ZBTB20: variants seen among roughly 807,000 people sequenced by gnomAD.
ZBTB20 encodes the protein zinc finger and BTB domain containing 20, also known as zinc finger and BTB domain-containing protein 20.
A neutral mutation model predicts 56.9 loss-of-function variants in ZBTB20; 9 were observed. That is an observed-to-expected ratio of 0.16 (90% CI 0.10 to 0.28). ZBTB20 has a LOEUF of 0.28. Ranked by LOEUF, ZBTB20 falls within the 10% of genes least tolerant of loss-of-function variation. ZBTB20 has a pLI of 1.00. For missense variants in ZBTB20, 655 were observed against 1,003.0 expected (o/e 0.65, Z 4.69); for synonymous variants, 417 against 420.7 (o/e 0.99, Z 0.11).
At chr3:114,344,083 T>C (rs546408282) in intron 11 of ZBTB20, among the ~76,000 whole-genome samples, 5 of 152,226 alleles carry the variant, frequency 3.3e-5, no homozygotes, top group African/African-American at 1.2e-4. Context: ...ACCTGAGATA[T>C]CAGCGGTGTG....
chr3:114,554,782 A>C (rs1331306482), intron 6 of ZBTB20, among the ~76,000 whole-genome samples: 1 of 152,074 alleles, frequency 6.6e-6, no homozygotes, highest in Non-Finnish European at 1.5e-5. Context: ...GTATCTTTTT[A>C]ATATCCCCCA....
intron 6 of ZBTB20, among the ~76,000 whole-genome samples, chr3:114,674,107 T>C (rs1361541258): frequency 6.6e-6 from 1 of 152,188 alleles, no homozygotes; most frequent in Non-Finnish European, 1.5e-5. Context: ...TATTTATTTA[T>C]TAGATTCATG....
At chr3:114,400,981 C>T (rs549285734) in intron 7 of ZBTB20, among the ~76,000 whole-genome samples, 27 of 152,044 alleles carry the variant, frequency 1.8e-4, no homozygotes, top group African/African-American at 5.5e-4. Flanking sequence ...TGAATCATGT[C>T]TCTGTTAAAA....
At chr3:114,452,403 G>C (rs1235970498) in intron 7 of ZBTB20, among the ~76,000 whole-genome samples, 1 of 152,146 alleles carries the variant, frequency 6.6e-6, no homozygotes. Context: ...GAAAATTCTG[G>C]ATTTGCCAAA....
intron 4 of ZBTB20, among the ~76,000 whole-genome samples, chr3:114,850,580 C>G (rs565335463): frequency 6.6e-6 from 1 of 152,318 alleles, no homozygotes; most frequent in Admixed American, 6.5e-5. Context: ...GAAACTAAAG[C>G]ACAGAGTGGT....
chr3:114,789,846 TA>T (rs2108802648), intron 5 of ZBTB20, among the ~76,000 whole-genome samples: 1 of 152,224 alleles, frequency 6.6e-6, no homozygotes, highest in East Asian at 1.9e-4. Context: ...TTAAGCAGAT[TA>T]TAGAGTTCTG....
intron 6 of ZBTB20, among the ~76,000 whole-genome samples, chr3:114,577,541 A>T (rs2107447428): frequency 6.6e-6 from 1 of 152,358 alleles, no homozygotes; most frequent in Middle Eastern, 3.4e-3. Context: ...AAAGCTACTA[A>T]AAGCAGCCCA....
chr3:115,091,692 AAC>A lies in ZBTB20; in HGVS notation c.-702-20280_-702-20279del, dbSNP rs994132095. Among the ~76,000 whole-genome samples, 23 of 149,868 alleles carry A rather than the reference AAC, an allele frequency of 1.5e-4. No homozygotes were observed. The East Asian group carries it at 3.5e-3, about 23-fold the overall frequency. On this transcript the variant is annotated intron_variant, in intron 1 of 11. Transcript: ENST00000675478. ...ATGTGTATTTTATATATATATATAT[AAC>A]ACACACATATATATAATACATACAT...
chr3:114,676,909 G>A (rs1393736311), intron 6 of ZBTB20, among the ~76,000 whole-genome samples: 2 of 151,922 alleles, frequency 1.3e-5, no homozygotes, highest in Non-Finnish European at 2.9e-5. Context: ...TGAGTAGCTG[G>A]GATTACAGGT....
At chr3:115,125,517 T>A (rs1035091121) in intron 1 of ZBTB20, among the ~76,000 whole-genome samples, 1 of 152,040 alleles carries the variant, frequency 6.6e-6, no homozygotes, top group African/African-American at 2.4e-5. Context: ...ATGTGGGAGC[T>A]AAAACAATGA....
At chr3:114,774,608 T>C (rs1347612790) in intron 5 of ZBTB20, among the ~76,000 whole-genome samples, 1 of 152,160 alleles carries the variant, frequency 6.6e-6, no homozygotes, top group Non-Finnish European at 1.5e-5. Flanking sequence ...ATTTTATGTC[T>C]GTCCCCATTT....
At chr3:114,572,746 C>T (rs1008759128) in intron 6 of ZBTB20, among the ~76,000 whole-genome samples, 4 of 152,122 alleles carry the variant, frequency 2.6e-5, no homozygotes, top group Admixed American at 6.5e-5. Flanking sequence ...TTGTATATTT[C>T]GAGCCAATAA....
At chr3:114,849,898 C>CTTTTTT (rs34170211) in intron 4 of ZBTB20, among the ~76,000 whole-genome samples, 1 of 114,892 alleles carries the variant, frequency 8.7e-6, no homozygotes, top group Non-Finnish European at 1.7e-5. Flanking sequence ...ATCAGGAAAT[C>CTTTTTT]TTTTTTTTTT....
At chr3:114,871,284 T>C (rs144058149) in intron 4 of ZBTB20, among the ~76,000 whole-genome samples, 299 of 152,184 alleles carry the variant, frequency 2.0e-3, no homozygotes, top group Non-Finnish European at 3.1e-3. Context: ...ATCAGGGCAA[T>C]CTATGATCTC....
intron 7 of ZBTB20, among the ~76,000 whole-genome samples, chr3:114,460,117 C>T (rs2092257724): frequency 6.6e-6 from 1 of 152,148 alleles, no homozygotes; most frequent in Non-Finnish European, 1.5e-5. Context: ...TGGTTCCACA[C>T]TCTTCTCACT....
At chr3:114,797,060 T>C (rs112882335) in intron 5 of ZBTB20, among the ~76,000 whole-genome samples, 63 of 151,992 alleles carry the variant, frequency 4.1e-4, no homozygotes, top group African/African-American at 1.4e-3. Context: ...TTTTCTCATA[T>C]ATAAGGAAGA....
chr3:114,829,727 G>T (rs563959128), intron 4 of ZBTB20, among the ~76,000 whole-genome samples: 1 of 151,932 alleles, frequency 6.6e-6, no homozygotes, highest in East Asian at 1.9e-4. Context: ...GACAAAGAAA[G>T]AATAAAAGTG....
intron 7 of ZBTB20, among the ~76,000 whole-genome samples, chr3:114,452,040 G>A (rs1318868414): frequency 6.6e-6 from 1 of 150,568 alleles, no homozygotes; most frequent in Non-Finnish European, 1.5e-5. Context: ...AGATCCCCTT[G>A]GTCACATCAA....
At chr3:114,949,846 C>G (rs2077004395) in intron 3 of ZBTB20, among the ~76,000 whole-genome samples, 1 of 152,032 alleles carries the variant, frequency 6.6e-6, no homozygotes, top group African/African-American at 2.4e-5. Flanking sequence ...ATAAGTATAT[C>G]TGACAAAGAA....
Sources: allele counts gnomAD v4.1 joint callset (sites outside exome capture counted in the v4.1 genomes callset), GRCh38; gene constraint gnomAD v4.1.1; transcripts MANE v1.5; gene names NCBI Gene and HGNC (gene_info 2026-07-23, HGNC 2026-07-21).